SSH2: variants seen among roughly 807,000 people sequenced by gnomAD.
SSH2 encodes the protein slingshot protein phosphatase 2, also known as protein phosphatase Slingshot homolog 2.
A neutral mutation model predicts 135.2 loss-of-function variants in SSH2; 37 were observed. The ratio of observed to expected loss-of-function variants is 0.27; its 90% CI spans 0.21 to 0.36. SSH2 has a LOEUF of 0.36. Among genes scored for constraint, SSH2 ranks in the 10% least tolerant of loss-of-function variants. The pLI is 1.00. For missense variants in SSH2, 1,408 were observed against 1,765.3 expected, an observed-to-expected ratio of 0.80 and a Z score of 3.63; for synonymous variants, 628 against 646.2, an observed-to-expected ratio of 0.97 and a Z score of 0.43.
At chr17:29,650,874 A>C (rs1437859678) in intron 12 of SSH2, 74 bp from the exon 13 acceptor site, 3 of 1,270,504 alleles carry the variant, frequency 2.4e-6, no homozygotes, top group Non-Finnish European at 2.1e-6. Context: ...GTTTTTTCTT[A>C]CTTAAAACTT....
intron 2 of SSH2, chr17:29,838,885 G>C (rs2042992264): frequency 5.4e-6 from 1 of 185,312 alleles, no homozygotes. Context: ...GGGGCTAAAA[G>C]AGCTGTAACA....
At chr17:29,892,727 C>G (rs188267685) in intron 1 of SSH2, among the ~76,000 whole-genome samples, 3 of 152,118 alleles carry the variant, frequency 2.0e-5, no homozygotes, top group Non-Finnish European at 2.9e-5. Context: ...TGTACTAGAG[C>G]TCACTGTAAT....
chr17:29,837,908 C>G (rs952987468), intron 2 of SSH2, among the ~76,000 whole-genome samples: 1 of 152,230 alleles, frequency 6.6e-6, no homozygotes, highest in African/African-American at 2.4e-5. Flanking sequence ...TGGGAGCTCC[C>G]CAGGCACAAC....
At chr17:29,759,383 T>C (rs942112296) in intron 3 of SSH2, among the ~76,000 whole-genome samples, 3 of 152,186 alleles carry the variant, frequency 2.0e-5, no homozygotes, top group Non-Finnish European at 4.4e-5. Flanking sequence ...TAAAAGTAAC[T>C]GCAGTTTTTG....
intron 2 of SSH2, among the ~76,000 whole-genome samples, chr17:29,841,289 G>T (rs1221568702): frequency 1.3e-5 from 2 of 152,160 alleles, no homozygotes; most frequent in African/African-American, 4.8e-5. Flanking sequence ...TTTTCTGTAT[G>T]TATATTTTAC....
intron 2 of SSH2, among the ~76,000 whole-genome samples, chr17:29,817,573 T>C (rs543829200): frequency 6.6e-6 from 1 of 152,302 alleles, no homozygotes; most frequent in South Asian, 2.1e-4. Context: ...CCTATGATGA[T>C]ACAGTCATAT....
intron 14 of SSH2, among the ~76,000 whole-genome samples, chr17:29,641,382 C>T (rs563920557): frequency 6.6e-6 from 1 of 152,270 alleles, no homozygotes; most frequent in South Asian, 2.1e-4. Context: ...CCTCCCACCC[C>T]CTTCCAGGCA....
chr17:29,711,172 T>C (rs556721967), intron 3 of SSH2, among the ~76,000 whole-genome samples: 32 of 152,332 alleles, frequency 2.1e-4, no homozygotes, highest in African/African-American at 7.5e-4. Flanking sequence ...CCATCAGACT[T>C]AGTTCCAGCT....
chr17:29,736,631 T>G (rs968406000), intron 3 of SSH2, among the ~76,000 whole-genome samples: 1 of 128,136 alleles, frequency 7.8e-6, no homozygotes, highest in Non-Finnish European at 1.7e-5. Context: ...ACTAAAAATA[T>G]GAAAAATTAG....
chr17:29,916,471 T>C (rs75441187), intron 1 of SSH2, among the ~76,000 whole-genome samples: 1 of 146,630 alleles, frequency 6.8e-6, no homozygotes, highest in South Asian at 2.1e-4. Context: ...TTTTCTTTCT[T>C]TTTTTTTTTT....
chr17:29,918,800 G>A (rs898311214), intron 1 of SSH2, among the ~76,000 whole-genome samples: 5 of 152,164 alleles, frequency 3.3e-5, no homozygotes, highest in Non-Finnish European at 7.4e-5. Flanking sequence ...AGCCAGGTGT[G>A]GTGGCCTGTG....
intron 5 of SSH2, among the ~76,000 whole-genome samples, chr17:29,686,430 C>T (rs879704943): frequency 2.0e-5 from 3 of 150,962 alleles, no homozygotes; most frequent in Admixed American, 6.6e-5. Context: ...GGTGTGATCT[C>T]GGCTCACTGC....
At chr17:29,837,576 G>A (rs1292918446) in intron 2 of SSH2, among the ~76,000 whole-genome samples, 1 of 152,096 alleles carries the variant, frequency 6.6e-6, no homozygotes, top group African/African-American at 2.4e-5. Flanking sequence ...GCAGCCAACT[G>A]CACCACCCCC....
intron 5 of SSH2, among the ~76,000 whole-genome samples, chr17:29,695,062 A>G (rs746544117): frequency 1.3e-5 from 2 of 152,116 alleles, no homozygotes; most frequent in Non-Finnish European, 2.9e-5. Flanking sequence ...GCCAGCATCA[A>G]TCTTTGGCCA....
At chr17:29,724,593 T>C (rs1332247434) in intron 3 of SSH2, among the ~76,000 whole-genome samples, 1 of 146,664 alleles carries the variant, frequency 6.8e-6, no homozygotes, top group African/African-American at 2.5e-5. Flanking sequence ...TTTTTTTTTT[T>C]TTTTTTTTTT....
chr17:29,811,191 T>C (rs1292522782), intron 2 of SSH2, among the ~76,000 whole-genome samples: 1 of 152,076 alleles, frequency 6.6e-6, no homozygotes, highest in East Asian at 1.9e-4. Context: ...AGATGGAGTT[T>C]TGCCATGTTG....
chr17:29,662,043 A>T (rs1030645068), intron 11 of SSH2, among the ~76,000 whole-genome samples: 5 of 152,168 alleles, frequency 3.3e-5, no homozygotes, highest in African/African-American at 7.2e-5. Flanking sequence ...CCCATGCTTC[A>T]TAGGCTTATG....
chr17:29,710,926 A>G (rs971257059), intron 3 of SSH2, among the ~76,000 whole-genome samples: 3 of 152,178 alleles, frequency 2.0e-5, no homozygotes, highest in Non-Finnish European at 4.4e-5. Flanking sequence ...CTGTAATTAG[A>G]CATTCCCGCC....
chr17:29,747,424 A>T (rs2040798793), intron 3 of SSH2, among the ~76,000 whole-genome samples: 2 of 152,226 alleles, frequency 1.3e-5, no homozygotes, highest in African/African-American at 4.8e-5. Flanking sequence ...AAAATAGATT[A>T]ATGCAGAAAA....
Sources: allele counts gnomAD v4.1 joint callset (sites outside exome capture counted in the v4.1 genomes callset), GRCh38; gene constraint gnomAD v4.1.1; transcripts MANE v1.5; gene names NCBI Gene and HGNC (gene_info 2026-07-23, HGNC 2026-07-21).